The following TNFSF4 variants were observed in gnomAD, a reference collection of about 807,000 sequenced individuals.
TNFSF4 encodes TNF superfamily member 4.
Under a neutral mutation model 7.3 loss-of-function variants are expected in TNFSF4, and 4 were observed. The observed-to-expected ratio is 0.55, with a 90% CI of 0.27 to 1.25. The LOEUF (loss-of-function observed/expected upper bound fraction) is 1.25. TNFSF4 is among the 50% of genes most tolerant of loss of function. The pLI, the probability that TNFSF4 is intolerant of heterozygous loss-of-function variation, is 0.12. For synonymous variants in TNFSF4, 76 were observed against 83.7 expected, an observed-to-expected ratio of 0.91 and a Z score of 0.50; for missense variants, 181 against 208.8, an observed-to-expected ratio of 0.87 and a Z score of 0.82.
chr1:173,291,658 C>T, the TNFSF4 span, among the ~76,000 whole-genome samples: 1 of 151,976 alleles, frequency 6.6e-6, no homozygotes, highest in African/African-American at 2.4e-5. Context: ...CAGAGCAGAA[C>T]TGAATGAAAC....
chr1:173,349,511 G>A, the TNFSF4 span, among the ~76,000 whole-genome samples: 1 of 152,128 alleles, frequency 6.6e-6, no homozygotes, highest in Non-Finnish European at 1.5e-5. Flanking sequence ...AACCTGTAAG[G>A]TAGACAGGCT....
chr1:173,400,976 T>G, the TNFSF4 span, among the ~76,000 whole-genome samples: 5 of 152,194 alleles, frequency 3.3e-5, no homozygotes, highest in African/African-American at 1.2e-4. Context: ...CTAATTGTCA[T>G]GATTATTTCC....
At chr1:173,188,113 G>T (rs1649309440) in intron 2 of TNFSF4, among the ~76,000 whole-genome samples, 1 of 152,048 alleles carries the variant, frequency 6.6e-6, no homozygotes, top group Non-Finnish European at 1.5e-5. Context: ...TTCTATCAAG[G>T]GCTTCCCCCA....
chr1:173,407,860 C>G, the TNFSF4 span, among the ~76,000 whole-genome samples: 3 of 152,080 alleles, frequency 2.0e-5, no homozygotes, highest in Non-Finnish European at 4.4e-5. Context: ...TATTTAAATC[C>G]TAATCCCCAG....
chr1:173,412,962 C>G, the TNFSF4 span, among the ~76,000 whole-genome samples: 1 of 152,186 alleles, frequency 6.6e-6, no homozygotes, highest in Non-Finnish European at 1.5e-5. Context: ...CACATACTCA[C>G]TCCTGCATCC....
chr1:173,333,117 C>T, the TNFSF4 span, among the ~76,000 whole-genome samples: 2 of 152,110 alleles, frequency 1.3e-5, no homozygotes, highest in Non-Finnish European at 2.9e-5. Context: ...ACACAAGGGG[C>T]AACAAAGGAA....
At chr1:173,444,998 G>A in the TNFSF4 span, among the ~76,000 whole-genome samples, 2 of 152,140 alleles carry the variant, frequency 1.3e-5, no homozygotes, top group African/African-American at 4.8e-5. Flanking sequence ...TGACAGATGT[G>A]GTCTTTAAAG....
chr1:173,339,889 A>G, the TNFSF4 span, among the ~76,000 whole-genome samples: 2 of 152,170 alleles, frequency 1.3e-5, no homozygotes, highest in Admixed American at 6.5e-5. Context: ...GTGATAGCTT[A>G]ATGTGTCATC....
chr1:173,281,005 G>A, the TNFSF4 span, among the ~76,000 whole-genome samples: 3 of 151,976 alleles, frequency 2.0e-5, no homozygotes, highest in Admixed American at 6.6e-5. Flanking sequence ...TTGAAATACT[G>A]GAAAAGAGGC....
downstream of TNFSF4, among the ~76,000 whole-genome samples, chr1:173,180,247 C>T (rs190511586): frequency 9.9e-5 from 15 of 152,264 alleles, no homozygotes; most frequent in Non-Finnish European, 1.9e-4. Context: ...TCTTTCCAGT[C>T]GTCAGCACTC....
chr1:173,346,972 T>C, the TNFSF4 span, among the ~76,000 whole-genome samples: 1 of 152,254 alleles, frequency 6.6e-6, no homozygotes, highest in Admixed American at 6.5e-5. Context: ...GAGGACTTGA[T>C]GGCAACATTT....
chr1:173,244,641 C>CAA, the TNFSF4 span, among the ~76,000 whole-genome samples: 103 of 62,292 alleles, frequency 1.7e-3, no homozygotes, highest in African/African-American at 5.8e-3. Context: ...GACTCTGTCT[C>CAA]AAAAAAAAAC....
At chr1:173,312,111 TTAAGA>T in the TNFSF4 span, among the ~76,000 whole-genome samples, 2 of 152,216 alleles carry the variant, frequency 1.3e-5, no homozygotes, top group East Asian at 3.9e-4. Context: ...GATGATTTTC[TTAAGA>T]TAAGTCTTAG....
the TNFSF4 span, among the ~76,000 whole-genome samples, chr1:173,328,056 T>A: frequency 6.6e-6 from 1 of 152,154 alleles, no homozygotes; most frequent in East Asian, 1.9e-4. Flanking sequence ...CATGCACATG[T>A]ATGGTTATTG....
chr1:173,203,025 A>C (rs908008156), intron 1 of TNFSF4, among the ~76,000 whole-genome samples: 1 of 152,134 alleles, frequency 6.6e-6, no homozygotes, highest in Non-Finnish European at 1.5e-5. Context: ...CCCACCCTGC[A>C]TCTTGACTGT....
chr1:173,349,495 T>C, the TNFSF4 span, among the ~76,000 whole-genome samples: 1 of 152,246 alleles, frequency 6.6e-6, no homozygotes, highest in Non-Finnish European at 1.5e-5. Flanking sequence ...ACTTCAGCTC[T>C]ACAATAACCT....
chr1:173,370,374 T>C, the TNFSF4 span, among the ~76,000 whole-genome samples: 1 of 152,156 alleles, frequency 6.6e-6, no homozygotes, highest in Non-Finnish European at 1.5e-5. Flanking sequence ...CAGCAAGCCA[T>C]CCCCAGTATG....
chr1:173,418,406 C>T, the TNFSF4 span: 4 of 152,118 alleles, frequency 2.6e-5, no homozygotes, highest in East Asian at 1.9e-4. Context: ...TCCCGGAAAC[C>T]CCCTGGTCAG....
At chr1:173,430,153 C>T in the TNFSF4 span, among the ~76,000 whole-genome samples, 1 of 152,216 alleles carries the variant, frequency 6.6e-6, no homozygotes, top group African/African-American at 2.4e-5. Context: ...GGGGTCTAAG[C>T]ACACAGACGG....
Sources: allele counts gnomAD v4.1 joint callset (sites outside exome capture counted in the v4.1 genomes callset), GRCh38; gene constraint gnomAD v4.1.1; transcripts MANE v1.5; gene names NCBI Gene and HGNC (gene_info 2026-07-23, HGNC 2026-07-21).